Variants in UBE3D observed in about 807,000 individuals in gnomAD.
The protein encoded by UBE3D is ubiquitin protein ligase E3D, also known as E3 ubiquitin-protein ligase E3D.
UBE3D carries 48 observed loss-of-function variants against 49.6 expected under a neutral mutation model. The ratio of observed to expected loss-of-function variants is 0.97; its 90% confidence interval spans 0.77 to 1.23. The LOEUF is 1.23. Among genes scored for constraint, UBE3D ranks in the 50% most tolerant of loss-of-function variants. UBE3D has a pLI of 0.00. For synonymous variants in UBE3D, 189 were observed against 174.2 expected, an observed-to-expected ratio of 1.08 and a Z score of -0.67; for missense variants, 452 against 468.4, an observed-to-expected ratio of 0.96 and a Z score of 0.32.
chr6:83,040,382 T>A (rs201977544), intron 4 of UBE3D, among the ~76,000 whole-genome samples: 1 of 51,650 alleles, frequency 1.9e-5, no homozygotes, highest in African/African-American at 8.4e-5. Context: ...AGACTGACTC[T>A]CTCTCTCTCT....
At chr6:83,041,876 C>T (rs571160038) in intron 4 of UBE3D, among the ~76,000 whole-genome samples, 5 of 151,992 alleles carry the variant, frequency 3.3e-5, no homozygotes, top group African/African-American at 4.8e-5. Context: ...TATTTTGACT[C>T]TTATAAAAGG....
At chr6:82,893,475 G>T (rs1167916262) in intron 9 of UBE3D, among the ~76,000 whole-genome samples, 5 of 151,868 alleles carry the variant, frequency 3.3e-5, no homozygotes, top group Non-Finnish European at 7.4e-5. Context: ...TATATTGGTT[G>T]GTCAGCAGCA....
chr6:82,889,781 A>T (rs1258937062), downstream of UBE3D, among the ~76,000 whole-genome samples: 3 of 151,994 alleles, frequency 2.0e-5, no homozygotes, highest in Admixed American at 2.0e-4. Context: ...TTGTCTTATT[A>T]TCTCTATCTG....
chr6:83,005,383 G>A (rs1487835238), intron 8 of UBE3D, among the ~76,000 whole-genome samples: 2 of 151,848 alleles, frequency 1.3e-5, no homozygotes, highest in Admixed American at 6.6e-5. Flanking sequence ...CTTTTGATAG[G>A]ATTGTAAAAT....
At chr6:82,902,542 T>C (rs1296515011) in intron 9 of UBE3D, among the ~76,000 whole-genome samples, 3 of 152,168 alleles carry the variant, frequency 2.0e-5, no homozygotes, top group African/African-American at 7.2e-5. Context: ...TATCATTCCA[T>C]TTACATAACA....
In UBE3D at chr6:82,977,247, TC is replaced by T. The variant is rs1318058065; in HGVS notation, c.1011-19798del. On this transcript the variant is annotated intron_variant, in intron 8 of 9. Coordinates refer to ENST00000369747, the MANE Select transcript of UBE3D (RefSeq NM_198920.3). ...AATGTCTTCAAAATCTTGCATTTTT[TC>T]ACCATGATCTCTATCAGATATGCCT... Among the ~76,000 whole-genome samples, 4 of 152,078 alleles carry T rather than the reference TC, an allele frequency of 2.6e-5. No individual in the cohort carries two copies. In the East Asian group the frequency reaches 7.7e-4, roughly 29 times the overall value.
At chr6:82,986,243 C>T (rs975800789) in intron 8 of UBE3D, among the ~76,000 whole-genome samples, 1 of 151,722 alleles carries the variant, frequency 6.6e-6, no homozygotes, top group Non-Finnish European at 1.5e-5. Context: ...GAGGCCGTGG[C>T]GGGCAGATTA....
intron 8 of UBE3D, among the ~76,000 whole-genome samples, chr6:82,972,660 T>A (rs1006007252): frequency 1.3e-5 from 2 of 152,226 alleles, no homozygotes; most frequent in African/African-American, 4.8e-5. Context: ...TACATAATTC[T>A]ACAAATTTAA....
intron 2 of UBE3D, among the ~76,000 whole-genome samples, chr6:83,055,940 C>G (rs1410110330): frequency 6.6e-6 from 1 of 152,138 alleles, no homozygotes; most frequent in Non-Finnish European, 1.5e-5. Context: ...ATGGAAAGCA[C>G]TCAGGCAATT....
intron 9 of UBE3D, among the ~76,000 whole-genome samples, chr6:82,898,192 A>T (rs1771470257): frequency 6.6e-6 from 1 of 152,252 alleles, no homozygotes; most frequent in African/African-American, 2.4e-5. Context: ...GATGCTGGAG[A>T]GGATGTGGAG....
At chr6:82,986,719 T>A (rs1039029124) in intron 8 of UBE3D, among the ~76,000 whole-genome samples, 5 of 148,114 alleles carry the variant, frequency 3.4e-5, no homozygotes, top group African/African-American at 4.9e-5. Context: ...TATTTATATT[T>A]TATATATATA....
intron 9 of UBE3D, among the ~76,000 whole-genome samples, chr6:82,926,211 C>T (rs1327088516): frequency 1.3e-5 from 2 of 152,052 alleles, no homozygotes; most frequent in Non-Finnish European, 2.9e-5. Context: ...TAGTTGGTAC[C>T]ATATAGTATG....
chr6:82,974,797 T>C (rs1250695532), intron 8 of UBE3D, among the ~76,000 whole-genome samples: 1 of 148,348 alleles, frequency 6.7e-6, no homozygotes, highest in African/African-American at 2.5e-5. Flanking sequence ...AAAAAAAAAC[T>C]TGTACTCTTT....
At chr6:83,053,456 G>A (rs184153611) in intron 3 of UBE3D, among the ~76,000 whole-genome samples, 6 of 152,204 alleles carry the variant, frequency 3.9e-5, no homozygotes, top group Admixed American at 1.3e-4. Flanking sequence ...TGAATGACTC[G>A]TGGCTGAAAT....
chr6:82,892,964 C>T lies in UBE3D; in HGVS notation c.*58G>A, dbSNP rs1230465777. The T allele has an allele frequency of 2.0e-5, 32 of 1,606,864 alleles. No individual in the cohort carries two copies. The highest frequency in any genetic ancestry group is 8.0e-5 in the African/African-American group (6 of 74,768). ...TGCCTCCTGAGCTGACTGCTGGCCT[C>T]GGTGTGCTCCTGCTTGAGAGCTGTC... On this transcript the variant is annotated 3_prime_UTR_variant, in exon 10 of 10. Coordinates refer to ENST00000369747, the MANE Select transcript of UBE3D (RefSeq NM_198920.3).
At chr6:83,008,856 C>T (rs1476643649) in intron 8 of UBE3D, among the ~76,000 whole-genome samples, 1 of 152,122 alleles carries the variant, frequency 6.6e-6, no homozygotes, top group Non-Finnish European at 1.5e-5. Flanking sequence ...CTTCCTACCT[C>T]GGGGGCAGAG....
intron 9 of UBE3D, among the ~76,000 whole-genome samples, chr6:82,953,227 T>C (rs1371158848): frequency 6.6e-6 from 1 of 152,236 alleles, no homozygotes; most frequent in African/African-American, 2.4e-5. Flanking sequence ...CGTTGGTTTC[T>C]GGCACAAAAG....
intron 6 of UBE3D, among the ~76,000 whole-genome samples, 186 bp from the exon 7 acceptor site, chr6:83,022,747 G>T (rs544420867): frequency 6.6e-6 from 1 of 152,192 alleles, no homozygotes. Flanking sequence ...ATGTATTCAG[G>T]TTTGCTCCAT....
At chr6:82,923,619 A>G (rs1014292428) in intron 9 of UBE3D, among the ~76,000 whole-genome samples, 7 of 152,188 alleles carry the variant, frequency 4.6e-5, no homozygotes, top group Non-Finnish European at 8.8e-5. Context: ...AATGTAGGTG[A>G]CGGGTTGATT....
Sources: gnomAD v4.1 joint callset for allele counts (sites outside exome capture counted in the v4.1 genomes callset) on GRCh38, gnomAD v4.1.1 for gene constraint, MANE v1.5 for transcripts, NCBI Gene and HGNC (gene_info 2026-07-23, HGNC 2026-07-21) for gene names.